The following RUNX1 variants were observed in gnomAD, a reference collection of about 807,000 sequenced individuals.
RUNX1 encodes RUNX family transcription factor 1.
Under a neutral mutation model 42.8 loss-of-function variants are expected in RUNX1, and 19 were observed. The observed-to-expected ratio is 0.44, with a 90% CI of 0.31 to 0.65. The LOEUF (loss-of-function observed/expected upper bound fraction) is 0.65, where lower values mean the gene tolerates loss of function less well. RUNX1 is among the 30% of genes least tolerant of loss of function. The probability of loss-of-function intolerance (pLI) is 0.07; values close to 1 mark genes in which losing one functional copy is unlikely to be tolerated. For missense variants in RUNX1, 528 were observed against 672.0 expected (o/e 0.79, Z 2.37); for synonymous variants, 271 against 289.4 (o/e 0.94, Z 0.64).
rs899120513 is a variant in RUNX1, at chr21:34,984,372, A to C, written c.58+64470T>G. On this transcript the variant is annotated intron_variant, in intron 2 of 8. Coordinates refer to ENST00000675419, the MANE Select transcript of RUNX1 (RefSeq NM_001754.5). ...AGCAAATCAGTTAGCAAAGTGGCCA[A>C]TCTCAGTATGTCATTGTGCACCAGA... Among the ~76,000 whole-genome samples the C allele has an allele frequency of 2.0e-5, 3 of 152,218 alleles. No homozygotes were observed. In the South Asian group the frequency reaches 6.2e-4, roughly 32 times the overall value.
chr21:34,914,325 C>T (rs1274123840), intron 2 of RUNX1, among the ~76,000 whole-genome samples: 1 of 152,190 alleles, frequency 6.6e-6, no homozygotes, highest in Non-Finnish European at 1.5e-5. Flanking sequence ...AGTTAAGTGG[C>T]TTGCCCTGGG....
chr21:34,813,302 C>T (rs1035185929), intron 7 of RUNX1, among the ~76,000 whole-genome samples: 7 of 152,146 alleles, frequency 4.6e-5, no homozygotes, highest in African/African-American at 1.7e-4. Context: ...AAACCTTGCT[C>T]AGGGAAAGCA....
At chr21:34,815,921 G>C (rs2056819336) in intron 7 of RUNX1, among the ~76,000 whole-genome samples, 1 of 152,156 alleles carries the variant, frequency 6.6e-6, no homozygotes, top group Non-Finnish European at 1.5e-5. Flanking sequence ...TTAGTTAGCA[G>C]AAGGCTGTGA....
intron 2 of RUNX1, among the ~76,000 whole-genome samples, chr21:34,928,696 C>T (rs1235407742): frequency 6.6e-6 from 1 of 150,962 alleles, no homozygotes; most frequent in Non-Finnish European, 1.5e-5. Flanking sequence ...AAAAAAAAGG[C>T]CAAGTTACAA....
At chr21:34,852,002 A>T (rs537638897) in intron 6 of RUNX1, among the ~76,000 whole-genome samples, 1 of 152,236 alleles carries the variant, frequency 6.6e-6, no homozygotes, top group African/African-American at 2.4e-5. Context: ...CCCCATCTCT[A>T]CTAAAAATAC....
At chr21:34,857,366 C>T (rs2057509504) in intron 6 of RUNX1, among the ~76,000 whole-genome samples, 1 of 152,220 alleles carries the variant, frequency 6.6e-6, no homozygotes, top group Admixed American at 6.5e-5. Flanking sequence ...TCCCCTCTGA[C>T]TGCCAATTCT....
intron 7 of RUNX1, among the ~76,000 whole-genome samples, chr21:34,823,245 C>G (rs934055623): frequency 6.6e-6 from 1 of 152,176 alleles, no homozygotes; most frequent in Non-Finnish European, 1.5e-5. Context: ...ATGACATCAA[C>G]TGAAGGATCC....
chr21:35,044,987 C>T (rs1488959745), intron 2 of RUNX1, among the ~76,000 whole-genome samples: 1 of 152,074 alleles, frequency 6.6e-6, no homozygotes, highest in Non-Finnish European at 1.5e-5. Flanking sequence ...TCCTACAGCC[C>T]CCTAAACCCC....
chr21:34,888,668 C>T (rs1225146524), intron 3 of RUNX1: 1 of 1,045,418 alleles, frequency 9.6e-7, no homozygotes, highest in East Asian at 5.4e-5. Context: ...GCGCCCGTCC[C>T]GCCCGCGCCC....
Position 35,049,197 on chromosome 21 carries a change from A to G in RUNX1, c.-89T>C, listed in dbSNP as rs77393863. On this transcript the variant is annotated 5_prime_UTR_variant, in exon 1 of 9. Coordinates refer to ENST00000675419, the MANE Select transcript of RUNX1 (RefSeq NM_001754.5). ...CTGCGAAACCCTGTGGTTTGCATTC[A>G]GTGTGATTCGTCCTGCCTGCTGACC... The G allele has an allele frequency of 2.4e-3, 1,025 of 427,742 alleles. 2 individuals carry two copies. Among genetic ancestry groups the G allele is most frequent in the Middle Eastern group, 9.9e-3 (15 of 1,508 alleles). 26.5% of individuals were successfully genotyped at this position (427,742 alleles called of 1,614,324 possible).
chr21:35,043,453 G>A (rs1176829370), intron 2 of RUNX1, among the ~76,000 whole-genome samples: 1 of 152,140 alleles, frequency 6.6e-6, no homozygotes. Flanking sequence ...GTTGGAGAAA[G>A]CAATTACGAA....
rs2058872487 is a variant in RUNX1, at chr21:34,984,748, C to T, written c.58+64094G>A. On this transcript the variant is annotated intron_variant, in intron 2 of 8. Transcript: ENST00000675419. ...AAGCTGGAGGGCTTGAGTGCAGAAG[C>T]ACAGTTATGTGGCACATGTCTGCAA... is the stretch of plus-strand genomic sequence containing the variant. Among the ~76,000 whole-genome samples, 4 of 152,296 alleles carry T rather than the reference C, an allele frequency of 2.6e-5. No homozygotes were observed. In the South Asian group the frequency reaches 6.2e-4, roughly 24 times the overall value.
intron 2 of RUNX1, among the ~76,000 whole-genome samples, chr21:34,956,346 C>A (rs1196608485): frequency 6.6e-6 from 1 of 152,146 alleles, no homozygotes. Flanking sequence ...TCAAAAAAGT[C>A]TCTCATTTGA....
At chr21:34,905,650 A>G (rs1379962895) in intron 2 of RUNX1, among the ~76,000 whole-genome samples, 1 of 152,210 alleles carries the variant, frequency 6.6e-6, no homozygotes, top group Non-Finnish European at 1.5e-5. Flanking sequence ...TATGAGTAAA[A>G]TTAGGAAATT....
At chr21:34,951,921 T>C (rs2058611183) in intron 2 of RUNX1, among the ~76,000 whole-genome samples, 1 of 152,162 alleles carries the variant, frequency 6.6e-6, no homozygotes, top group African/African-American at 2.4e-5. Flanking sequence ...TAAAGACACA[T>C]GCACACGTAT....
intron 7 of RUNX1, among the ~76,000 whole-genome samples, chr21:34,804,659 A>G (rs1228484970): frequency 1.3e-5 from 2 of 152,192 alleles, no homozygotes; most frequent in African/African-American, 4.8e-5. Context: ...GGAATTTAAC[A>G]ATGATTAACA....
At chr21:34,852,769 A>T (rs2057440713) in intron 6 of RUNX1, among the ~76,000 whole-genome samples, 1 of 152,000 alleles carries the variant, frequency 6.6e-6, no homozygotes, top group Non-Finnish European at 1.5e-5. Flanking sequence ...GATTGCATCT[A>T]GAAAGAACTA....
intron 2 of RUNX1, among the ~76,000 whole-genome samples, chr21:34,997,008 T>A (rs1024294485): frequency 1.3e-5 from 2 of 152,220 alleles, no homozygotes; most frequent in African/African-American, 2.4e-5. Context: ...TGATTCCTTT[T>A]AAAAAAATTC....
At chr21:34,890,105 CGGACGCAGGAGGG>C (rs2058062072) in intron 3 of RUNX1, among the ~76,000 whole-genome samples, 1 of 152,100 alleles carries the variant, frequency 6.6e-6, no homozygotes, top group Non-Finnish European at 1.5e-5. Context: ...GCCGCGGGCC[CGGACGCAGGAGGG>C]GGCCGGGGTT....
Sources: allele counts gnomAD v4.1 joint callset (sites outside exome capture counted in the v4.1 genomes callset), GRCh38; gene constraint gnomAD v4.1.1; transcripts MANE v1.5; gene names NCBI Gene and HGNC (gene_info 2026-07-23, HGNC 2026-07-21).